TNNI3K: variants seen among roughly 807,000 people sequenced by gnomAD.
The protein encoded by TNNI3K is TNNI3 interacting kinase.
A neutral mutation model predicts 114.5 loss-of-function variants in TNNI3K; 140 were observed. That is an observed-to-expected ratio of 1.22 (90% confidence interval 1.07 to 1.41). The LOEUF (loss-of-function observed/expected upper bound fraction) is 1.41, where lower values mean the gene tolerates loss of function less well. TNNI3K is among the 40% of genes most tolerant of loss of function. TNNI3K has a pLI of 0.00. For missense variants in TNNI3K, 1,125 were observed against 1,007.6 expected (o/e 1.12, Z -1.58); for synonymous variants, 347 against 347.5 (o/e 1.00, Z 0.02).
intron 5 of TNNI3K, among the ~76,000 whole-genome samples, chr1:74,304,001 A>T (rs1473597362): frequency 2.6e-5 from 4 of 152,224 alleles, no homozygotes; most frequent in African/African-American, 9.6e-5. Context: ...CTCATGACAA[A>T]ACTTGATTGG....
chr1:74,376,638 T>G (rs1434175740), intron 17 of TNNI3K: 1 of 152,016 alleles, frequency 6.6e-6, no homozygotes, highest in African/African-American at 2.4e-5. Flanking sequence ...CATTTGCACT[T>G]GAAAAATGTC....
intron 5 of TNNI3K, among the ~76,000 whole-genome samples, chr1:74,304,582 A>G (rs1307284900): frequency 2.0e-5 from 3 of 152,164 alleles, no homozygotes; most frequent in East Asian, 1.9e-4. Flanking sequence ...AGCTAGGACT[A>G]TGGGTTTGTG....
intron 2 of TNNI3K, chr1:74,240,672 A>G (rs997541874): frequency 6.6e-6 from 1 of 152,122 alleles, no homozygotes; most frequent in African/African-American, 2.4e-5. Context: ...TTTTAAGACT[A>G]TGTTTTGCTA....
intron 21 of TNNI3K, chr1:74,483,114 C>A (rs914219306): frequency 4.3e-6 from 2 of 463,784 alleles, no homozygotes; most frequent in African/African-American, 2.0e-5. Context: ...TAAAATATTG[C>A]CAGTCTCTTT....
rs762021498 is a variant in TNNI3K, at chr1:74,369,570, T to C, written c.1652T>C (p.Leu551Pro). The change falls in exon 16 of 25, where the codon CTT (leucine) becomes CCT (proline). Residue 551 changes from leucine (L) to proline (P), a missense_variant. Transcript: ENST00000326637. Reference sequence around the variant, plus strand: ...TCAGGGGGTTCTCTGTTCTCCCTCCTTCATGAGCAGAAGAGGTATGGGTCT... The same window carrying C: ...TCAGGGGGTTCTCTGTTCTCCCTCCCTCATGAGCAGAAGAGGTATGGGTCT... ...YISGGSLFSLLHEQKRILDLQ... is the reference protein window; with the variant it reads ...YISGGSLFSLPHEQKRILDLQ... 3.7e-6 allele frequency: 6 copies of C among 1,608,040 alleles called. No individual in the cohort carries two copies. In the African/African-American group the frequency reaches 4.0e-5, roughly 11 times the overall value.
intron 23 of TNNI3K, among the ~76,000 whole-genome samples, chr1:74,539,770 A>T (rs1000163181): frequency 6.6e-6 from 1 of 152,038 alleles, no homozygotes; most frequent in Non-Finnish European, 1.5e-5. Context: ...GATATATATA[A>T]AAACAGAAAA....
In TNNI3K at chr1:74,439,319, T is replaced by G. The variant is rs937336478; in HGVS notation, c.1879-171T>G. 5 of 1,032,028 alleles carry G rather than the reference T, an allele frequency of 4.8e-6. No homozygotes were observed. The African/African-American group carries it at 8.2e-5, about 17-fold the overall frequency. 63.9% of individuals were successfully genotyped at this position (1,032,028 alleles called of 1,614,324 possible). ...CCACAGTAAACACACTGTGTATGTATAAACATGTTTATTGCACACACTGAG... is the reference window on the plus strand; with the variant it reads ...CCACAGTAAACACACTGTGTATGTAGAAACATGTTTATTGCACACACTGAG... On this transcript the variant is annotated intron_variant, in intron 19 of 24. Coordinates refer to ENST00000326637, the MANE Select transcript of TNNI3K (RefSeq NM_015978.3).
chr1:74,344,355 G>C (rs1660893219), intron 9 of TNNI3K, among the ~76,000 whole-genome samples: 1 of 152,184 alleles, frequency 6.6e-6, no homozygotes, highest in Non-Finnish European at 1.5e-5. Flanking sequence ...CTGAGGCTCA[G>C]AAAAGCTAAG....
intron 23 of TNNI3K, among the ~76,000 whole-genome samples, chr1:74,532,558 C>T (rs866835798): frequency 1.5e-4 from 23 of 151,930 alleles, no homozygotes; most frequent in Middle Eastern, 6.8e-3. Flanking sequence ...ATGTGCCATG[C>T]TGGTGTGCTG....
intron 19 of TNNI3K, 114 bp from the exon 20 acceptor site, chr1:74,439,376 T>C: frequency 1.4e-6 from 2 of 1,474,574 alleles, no homozygotes; most frequent in South Asian, 1.4e-5. Flanking sequence ...TTTATATTTA[T>C]GCCTTTTGAG....
At chr1:74,543,853 G>C in intron 24 of TNNI3K, 53 bp from the exon 25 acceptor site, 1 of 1,606,820 alleles carries the variant, frequency 6.2e-7, no homozygotes, top group South Asian at 1.1e-5. Context: ...TAAAAAATTG[G>C]GGGATGTACT....
intron 21 of TNNI3K, among the ~76,000 whole-genome samples, chr1:74,472,552 T>C (rs1667986988): frequency 1.3e-5 from 2 of 152,150 alleles, no homozygotes; most frequent in Admixed American, 6.6e-5. Flanking sequence ...AATTTTTTCC[T>C]GAATTCATTT....
At chr1:74,455,098 T>C (rs1570643482) in intron 20 of TNNI3K, among the ~76,000 whole-genome samples, 1 of 152,028 alleles carries the variant, frequency 6.6e-6, no homozygotes, top group Non-Finnish European at 1.5e-5. Context: ...ACTCATAGTA[T>C]AGAGAATGAG....
intron 2 of TNNI3K, among the ~76,000 whole-genome samples, chr1:74,242,213 G>A (rs1654279214): frequency 6.6e-6 from 1 of 152,076 alleles, no homozygotes; most frequent in Non-Finnish European, 1.5e-5. Context: ...TTTTGGCATT[G>A]AGTAGATACA....
intron 5 of TNNI3K, among the ~76,000 whole-genome samples, chr1:74,317,740 G>C (rs1435530180): frequency 1.3e-5 from 2 of 152,116 alleles, no homozygotes; most frequent in Non-Finnish European, 2.9e-5. Flanking sequence ...TCTCAAAGGA[G>C]GTTTTCCAGT....
chr1:74,308,249 C>T (rs982123231), intron 5 of TNNI3K, among the ~76,000 whole-genome samples: 2 of 151,986 alleles, frequency 1.3e-5, no homozygotes, highest in Non-Finnish European at 2.9e-5. Flanking sequence ...CTAAGATTGA[C>T]CATAGGCTTA....
Position 74,369,133 on chromosome 1 carries a change from A to G in TNNI3K, c.1414+19A>G, listed in dbSNP as rs376761685. On this transcript the variant is annotated intron_variant, in intron 14 of 24. Coordinates refer to ENST00000326637, the MANE Select transcript of TNNI3K (RefSeq NM_015978.3). ...GGCTCAGGTAACCTAAAATAAATAA[A>G]TAAATAAAGGTCCGGTTTAGTTGAA... 11 of 1,599,322 alleles carry G rather than the reference A, an allele frequency of 6.9e-6. No individual in the cohort carries two copies. The highest frequency in any genetic ancestry group is 5.7e-5 in the South Asian group (5 of 87,738).
chr1:74,407,684 A>T (rs551583248), intron 17 of TNNI3K, among the ~76,000 whole-genome samples: 5 of 152,182 alleles, frequency 3.3e-5, no homozygotes, highest in Admixed American at 3.3e-4. Flanking sequence ...CTTATACTTG[A>T]CTTTAAGTGA....
intron 5 of TNNI3K, among the ~76,000 whole-genome samples, chr1:74,291,943 T>C (rs1657702719): frequency 6.6e-6 from 1 of 151,504 alleles, no homozygotes; most frequent in African/African-American, 2.4e-5. Flanking sequence ...AATTCTGTCA[T>C]ATATCAAGTG....
Sources: gnomAD v4.1 joint callset for allele counts (sites outside exome capture counted in the v4.1 genomes callset) on GRCh38, gnomAD v4.1.1 for gene constraint, MANE v1.5 for transcripts, NCBI Gene and HGNC (gene_info 2026-07-23, HGNC 2026-07-21) for gene names.